Variants in TSPAN18 observed in about 807,000 individuals in gnomAD.
TSPAN18 encodes tetraspanin 18, also known as tetraspanin-18.
A neutral mutation model predicts 27.3 loss-of-function variants in TSPAN18; 14 were observed. The observed-to-expected ratio is 0.51, with a 90% CI of 0.34 to 0.80. The LOEUF (loss-of-function observed/expected upper bound fraction) is 0.80, where lower values mean the gene tolerates loss of function less well. Ranked by LOEUF, TSPAN18 falls within the 30% of genes least tolerant of loss-of-function variation. TSPAN18 has a pLI of 0.01. For missense variants in TSPAN18, 268 were observed against 323.9 expected (o/e 0.83, Z 1.32); for synonymous variants, 143 against 136.5 (o/e 1.05, Z -0.33).
chr11:44,747,692 C>A (rs143316526), intron 1 of TSPAN18, among the ~76,000 whole-genome samples: 3 of 152,030 alleles, frequency 2.0e-5, no homozygotes, highest in Non-Finnish European at 2.9e-5. Context: ...TCTCCTCCCC[C>A]CTCCCGTCTC....
intron 2 of TSPAN18, among the ~76,000 whole-genome samples, chr11:44,827,907 G>T (rs1425609669): frequency 6.6e-6 from 1 of 152,178 alleles, no homozygotes; most frequent in Non-Finnish European, 1.5e-5. Context: ...CTGCAGGCTG[G>T]GACAGGCCTC....
chr11:44,891,464 T>C (rs1453606205), intron 3 of TSPAN18, among the ~76,000 whole-genome samples: 1 of 152,170 alleles, frequency 6.6e-6, no homozygotes, highest in Non-Finnish European at 1.5e-5. Context: ...TGTATGCCTT[T>C]AGTTCAAGGC....
intron 3 of TSPAN18, among the ~76,000 whole-genome samples, chr11:44,893,412 C>G (rs1590641699): frequency 6.6e-6 from 1 of 152,206 alleles, no homozygotes; most frequent in East Asian, 1.9e-4. Context: ...GACCATGTCC[C>G]CATGTTGGTG....
intron 3 of TSPAN18, among the ~76,000 whole-genome samples, chr11:44,902,417 G>A (rs149681787): frequency 6.6e-6 from 1 of 152,348 alleles, no homozygotes; most frequent in Non-Finnish European, 1.5e-5. Context: ...GATGATGTGA[G>A]GGATGTAGCT....
chr11:44,808,392 G>A (rs919757893), intron 2 of TSPAN18, among the ~76,000 whole-genome samples: 3 of 152,160 alleles, frequency 2.0e-5, no homozygotes, highest in South Asian at 2.1e-4. Context: ...ACAGGAAATT[G>A]ACCAGAAAAT....
At chr11:44,920,961 G>A (rs1860111341) in intron 8 of TSPAN18, among the ~76,000 whole-genome samples, 1 of 152,352 alleles carries the variant, frequency 6.6e-6, no homozygotes, top group South Asian at 2.1e-4. Flanking sequence ...CTTGGGTGGG[G>A]GCTCAAGGCA....
intron 6 of TSPAN18, among the ~76,000 whole-genome samples, chr11:44,918,724 C>T (rs1332732865): frequency 6.6e-6 from 1 of 152,106 alleles, no homozygotes; most frequent in Non-Finnish European, 1.5e-5. Context: ...ACCCAGGGCC[C>T]TAGCCTTTGA....
rs59575432 is a variant in TSPAN18, at chr11:44,892,890, A to G, written c.-10-13517A>G. On this transcript the variant is annotated intron_variant, in intron 3 of 9. Transcript: ENST00000520358. Reference sequence around the variant, plus strand: ...GCAGGGTAGTTGAGAGGGTCTGATGACATAAAGTGTATAAAGCACTTTCAG... The same window carrying G: ...GCAGGGTAGTTGAGAGGGTCTGATGGCATAAAGTGTATAAAGCACTTTCAG... 8.7e-3 allele frequency among the ~76,000 whole-genome samples: 1,322 copies of G among 152,332 alleles called. 25 individuals are homozygous for G. Among genetic ancestry groups the G allele is most frequent in the African/African-American group, 0.03 (1,244 of 41,562 alleles).
intron 5 of TSPAN18, among the ~76,000 whole-genome samples, chr11:44,915,420 A>T (rs894083816): frequency 1.3e-5 from 2 of 152,150 alleles, no homozygotes; most frequent in African/African-American, 4.8e-5. Context: ...AGAATGGACC[A>T]TGGGCATTGT....
At chr11:44,926,825 C>G (rs1860377642) in intron 9 of TSPAN18, 68 bp downstream of exon 9, 1 of 1,542,374 alleles carries the variant, frequency 6.5e-7, no homozygotes, top group Admixed American at 1.7e-5. Context: ...GGCAGATCCC[C>G]CCAGCCTCCT....
At chr11:44,901,599 C>T (rs1859264882) in intron 3 of TSPAN18, among the ~76,000 whole-genome samples, 1 of 152,206 alleles carries the variant, frequency 6.6e-6, no homozygotes, top group African/African-American at 2.4e-5. Context: ...CCTGCTCTGC[C>T]ATTTGACACA....
intron 3 of TSPAN18, among the ~76,000 whole-genome samples, chr11:44,900,005 T>A (rs1859198910): frequency 6.6e-6 from 1 of 152,184 alleles, no homozygotes; most frequent in Non-Finnish European, 1.5e-5. Context: ...TCAATTTTCT[T>A]CTCGCCCCAC....
At chr11:44,860,163 G>GCC (rs1857839705) in intron 2 of TSPAN18, among the ~76,000 whole-genome samples, 165 bp from the exon 3 acceptor site, 1 of 152,170 alleles carries the variant, frequency 6.6e-6, no homozygotes, top group African/African-American at 2.4e-5. Flanking sequence ...GGCTATTTCA[G>GCC]TCGGATCTAG....
At chr11:44,824,370 C>A (rs1311495456) in intron 2 of TSPAN18, among the ~76,000 whole-genome samples, 1 of 152,200 alleles carries the variant, frequency 6.6e-6, no homozygotes, top group Admixed American at 6.5e-5. Context: ...GATCACCCAC[C>A]CCCAACTGGG....
At position 44,770,703 on chromosome 11, in the gene TSPAN18, A is replaced by C. The variant is rs1456664606; in HGVS notation, c.-153+6191A>C. On this transcript the variant is annotated intron_variant, in intron 2 of 9. Transcript: ENST00000520358. ...GGAGGGCAGTCTGCAGCGGGCAGGG[A>C]GACCAGTACAAACACTGATGTTGGA... Among the ~76,000 whole-genome samples, 3 of 152,184 alleles carry C rather than the reference A, an allele frequency of 2.0e-5. No individual in the cohort carries two copies. The East Asian group carries it at 5.8e-4, about 29-fold the overall frequency.
chr11:44,779,104 C>G (rs1473688576), intron 2 of TSPAN18, among the ~76,000 whole-genome samples: 1 of 152,080 alleles, frequency 6.6e-6, no homozygotes, highest in African/African-American at 2.4e-5. Flanking sequence ...GTCCTGGGAG[C>G]CTGCCCCAGG....
At chr11:44,907,707 T>C (rs1859504238) in intron 4 of TSPAN18, among the ~76,000 whole-genome samples, 4 of 151,624 alleles carry the variant, frequency 2.6e-5, no homozygotes, top group African/African-American at 9.7e-5. Context: ...TCCCCAAATC[T>C]CCAACAGCAA....
rs569519632 is a variant in TSPAN18 at position 44,868,063 on chromosome 11, G to A, written c.-11+7594G>A. 1.5e-3 allele frequency among the ~76,000 whole-genome samples: 229 copies of A among 152,312 alleles called. 2 individuals carry two copies. Among genetic ancestry groups the A allele is most frequent in the Admixed American group, 0.015 (227 of 15,304 alleles). On this transcript the variant is annotated intron_variant, in intron 3 of 9. Coordinates refer to ENST00000520358, the MANE Select transcript of TSPAN18 (RefSeq NM_130783.5). ...CAAGGCCTCCAGCTGGTGACAGGCT[G>A]GCTTCTGAGGGCAGGGTTGGGCCTG... is the stretch of plus-strand genomic sequence containing the variant.
intron 8 of TSPAN18, among the ~76,000 whole-genome samples, chr11:44,924,187 A>G (rs959875410): frequency 2.0e-5 from 3 of 151,706 alleles, no homozygotes; most frequent in Non-Finnish European, 4.4e-5. Flanking sequence ...CACTCAGGAT[A>G]TGCTAAGAGA....
Sources: allele counts gnomAD v4.1 joint callset (sites outside exome capture counted in the v4.1 genomes callset), GRCh38; gene constraint gnomAD v4.1.1; transcripts MANE v1.5; gene names NCBI Gene and HGNC (gene_info 2026-07-23, HGNC 2026-07-21).